SYN3: variants seen among roughly 807,000 people sequenced by gnomAD.
SYN3 encodes the protein synapsin-3.
Under a neutral mutation model 65.8 loss-of-function variants are expected in SYN3, and 35 were observed. That is an observed-to-expected ratio of 0.53 (90% CI 0.41 to 0.70). The LOEUF (loss-of-function observed/expected upper bound fraction) is 0.70, where lower values mean the gene tolerates loss of function less well. SYN3 is among the 30% of genes least tolerant of loss of function. The pLI is 0.00. For missense variants in SYN3, 680 were observed against 749.0 expected, an observed-to-expected ratio of 0.91 and a Z score of 1.08; for synonymous variants, 270 against 292.9, an observed-to-expected ratio of 0.92 and a Z score of 0.80.
At chr22:33,003,267 A>G (rs1183504651) in intron 2 of SYN3, among the ~76,000 whole-genome samples, 1 of 152,182 alleles carries the variant, frequency 6.6e-6, no homozygotes, top group Non-Finnish European at 1.5e-5. Flanking sequence ...GTGACTTTGG[A>G]ACTGGATGAC....
intron 2 of SYN3, among the ~76,000 whole-genome samples, chr22:32,988,068 G>T (rs2052581389): frequency 6.7e-6 from 1 of 149,316 alleles, no homozygotes; most frequent in Non-Finnish European, 1.5e-5. Context: ...CAACACTTTG[G>T]GAGGCCGAGG....
chr22:32,935,335 T>G (rs1569338668), intron 3 of SYN3, among the ~76,000 whole-genome samples: 1 of 151,186 alleles, frequency 6.6e-6, no homozygotes, highest in Non-Finnish European at 1.5e-5. Flanking sequence ...AAATAACAAA[T>G]TAGTTATTCA....
At chr22:32,577,108 G>A (rs759501716) in intron 7 of SYN3, among the ~76,000 whole-genome samples, 7 of 152,138 alleles carry the variant, frequency 4.6e-5, no homozygotes, top group Non-Finnish European at 1.0e-4. Flanking sequence ...GAGTCCCTGG[G>A]ATTAGGCCCT....
Position 33,017,042 on chromosome 22 carries a change from TC to T in SYN3, c.-162-10219del, listed in dbSNP as rs2053478305. ...CTTTTAGTAGTTTTATAGTTTCAGG[TC>T]TTATATTTAAGTCTTTAATCTATTT... On this transcript the variant is annotated intron_variant, in intron 1 of 13. Transcript: ENST00000358763. 4.6e-5 allele frequency among the ~76,000 whole-genome samples: 7 copies of T among 152,334 alleles called. 1 individual carries two copies. Among genetic ancestry groups the T allele is most frequent in the East Asian group, 3.9e-4 (2 of 5,184 alleles).
chr22:32,862,532 A>C (rs2048574949), intron 6 of SYN3: 1 of 152,196 alleles, frequency 6.6e-6, no homozygotes, highest in Non-Finnish European at 1.5e-5. Flanking sequence ...TGCATGTGAC[A>C]ATTGACAATC....
chr22:32,883,893 G>A (rs934619807), intron 4 of SYN3, among the ~76,000 whole-genome samples: 8 of 152,144 alleles, frequency 5.3e-5, no homozygotes, highest in Non-Finnish European at 8.8e-5. Context: ...TAGAATCTTG[G>A]TATCTCCTAA....
At chr22:32,634,242 C>T (rs2059784290) in intron 6 of SYN3, among the ~76,000 whole-genome samples, 1 of 152,078 alleles carries the variant, frequency 6.6e-6, no homozygotes, top group South Asian at 2.1e-4. Flanking sequence ...TCATCTGTGG[C>T]TACAAAGCTG....
At position 32,531,804 on chromosome 22, in the gene SYN3, AG is replaced by A. The variant is rs1452679315; in HGVS notation, c.1095+1988del. On this transcript the variant is annotated intron_variant, in intron 10 of 13. Transcript: ENST00000358763. ...GAAACAACTCTGCAATGTTTCTGCG[AG>A]GAAAAAAAAAATCTGAAAAGCTATC... Among the ~76,000 whole-genome samples, 360 of 48,390 alleles carry A rather than the reference AG, an allele frequency of 7.4e-3. 2 individuals are homozygous for A. Among genetic ancestry groups the A allele is most frequent in the African/African-American group, 0.025 (345 of 13,576 alleles). The allele number at this position is 48,390 out of a possible 152,430, so 31.7% of individuals were successfully genotyped here. A position where few individuals can be genotyped will look rare whatever the true frequency, so the allele number is the denominator to read the frequency against.
intron 7 of SYN3, among the ~76,000 whole-genome samples, chr22:32,562,624 C>A (rs16990743): frequency 0.012 from 1,872 of 152,332 alleles, 36 homozygotes; most frequent in African/African-American, 0.043. Flanking sequence ...CCTCACTAAG[C>A]CGCTCCACCC....
intron 2 of SYN3, among the ~76,000 whole-genome samples, chr22:33,004,186 G>A (rs1018146325): frequency 1.3e-5 from 2 of 152,232 alleles, no homozygotes; most frequent in African/African-American, 2.4e-5. Flanking sequence ...GGGAAATGTG[G>A]GGTTGGAGCC....
At chr22:32,682,217 G>A (rs2060533511) in intron 6 of SYN3, among the ~76,000 whole-genome samples, 1 of 152,114 alleles carries the variant, frequency 6.6e-6, no homozygotes, top group African/African-American at 2.4e-5. Context: ...AGTAGGCAAA[G>A]GTCAGGGATT....
chr22:32,819,497 A>G (rs1000300169), intron 6 of SYN3, among the ~76,000 whole-genome samples: 2 of 152,234 alleles, frequency 1.3e-5, no homozygotes, highest in Admixed American at 1.3e-4. Context: ...TAAAGGTCCC[A>G]TTAATACATA....
At chr22:32,898,985 C>G (rs867827841) in intron 4 of SYN3, among the ~76,000 whole-genome samples, 6 of 151,528 alleles carry the variant, frequency 4.0e-5, no homozygotes, top group Middle Eastern at 3.4e-3. Context: ...GCCTGTAATC[C>G]CAGCTACTCA....
At chr22:32,833,850 C>A in intron 6 of SYN3, 1 of 501,182 alleles carries the variant, frequency 2.0e-6, no homozygotes, top group East Asian at 6.5e-5. Context: ...TAGCACTGAT[C>A]ATGCATGGAA....
intron 1 of SYN3, among the ~76,000 whole-genome samples, chr22:33,035,281 C>T (rs1165856130): frequency 6.8e-6 from 1 of 146,258 alleles, no homozygotes; most frequent in Non-Finnish European, 1.5e-5. Context: ...TATATTAAAC[C>T]AATTAATCCT....
intron 1 of SYN3, among the ~76,000 whole-genome samples, chr22:33,030,080 C>G (rs993533773): frequency 6.6e-6 from 1 of 152,148 alleles, no homozygotes; most frequent in East Asian, 1.9e-4. Context: ...CCTGTGCAAA[C>G]CCATCACTGT....
chr22:32,523,096 T>C (rs1052435155), intron 12 of SYN3, among the ~76,000 whole-genome samples: 1 of 152,240 alleles, frequency 6.6e-6, no homozygotes, highest in Non-Finnish European at 1.5e-5. Flanking sequence ...CATTTGACAA[T>C]TGTCACAAAT....
intron 6 of SYN3, among the ~76,000 whole-genome samples, chr22:32,603,514 C>T (rs1282298352): frequency 3.5e-5 from 5 of 143,622 alleles, no homozygotes; most frequent in East Asian, 2.0e-4. Flanking sequence ...AGCGAGACTC[C>T]GAGACTCCGT....
intron 7 of SYN3, among the ~76,000 whole-genome samples, chr22:32,569,187 C>T (rs1306794782): frequency 1.3e-5 from 2 of 152,102 alleles, no homozygotes; most frequent in Non-Finnish European, 2.9e-5. Context: ...TACTCACCCT[C>T]AGAGAGTTGG....
Sources: gnomAD v4.1 joint callset for allele counts (sites outside exome capture counted in the v4.1 genomes callset) on GRCh38, gnomAD v4.1.1 for gene constraint, MANE v1.5 for transcripts, NCBI Gene and HGNC (gene_info 2026-07-23, HGNC 2026-07-21) for gene names.